CTNNA2: variants seen among roughly 807,000 people sequenced by gnomAD.
CTNNA2 encodes the protein catenin alpha-2.
Under a neutral mutation model 101.0 loss-of-function variants are expected in CTNNA2, and 42 were observed. The ratio of observed to expected loss-of-function variants is 0.42; its 90% CI spans 0.32 to 0.54. The LOEUF (loss-of-function observed/expected upper bound fraction) is 0.54. Ranked by LOEUF, CTNNA2 falls within the 20% of genes least tolerant of loss-of-function variation. The pLI, the probability that CTNNA2 is intolerant of heterozygous loss-of-function variation, is 0.14. For synonymous variants in CTNNA2, 450 were observed against 456.4 expected, an observed-to-expected ratio of 0.99 and a Z score of 0.18; for missense variants, 871 against 1,223.1, an observed-to-expected ratio of 0.71 and a Z score of 4.29.
intron 7 of CTNNA2, among the ~76,000 whole-genome samples, chr2:80,125,682 G>T (rs918553152): frequency 6.6e-6 from 1 of 152,150 alleles, no homozygotes; most frequent in East Asian, 1.9e-4. Flanking sequence ...ATTGGAGTTG[G>T]CATGTGAGAT....
At chr2:80,045,888 C>A (rs894023678) in intron 7 of CTNNA2, among the ~76,000 whole-genome samples, 15 of 151,966 alleles carry the variant, frequency 9.9e-5, no homozygotes, top group African/African-American at 3.4e-4. Flanking sequence ...GTTTAATCAA[C>A]CTCGACAGTC....
At chr2:80,325,087 G>A (rs1404472981) in intron 7 of CTNNA2, among the ~76,000 whole-genome samples, 1 of 152,122 alleles carries the variant, frequency 6.6e-6, no homozygotes, top group Non-Finnish European at 1.5e-5. Flanking sequence ...CCACCTAGAA[G>A]AATGCAAGGC....
chr2:79,491,071 G>C (rs1014105957), intron 4 of CTNNA2, among the ~76,000 whole-genome samples: 3 of 152,096 alleles, frequency 2.0e-5, no homozygotes, highest in Admixed American at 6.6e-5. Flanking sequence ...TAGAGGAAGA[G>C]GAAAAAAATT....
At chr2:79,988,460 ATGTGTATGTGTG>A (rs1453519900) in intron 7 of CTNNA2, among the ~76,000 whole-genome samples, 2 of 89,276 alleles carry the variant, frequency 2.2e-5, no homozygotes, top group Non-Finnish European at 4.8e-5. Flanking sequence ...TATGAAGTGT[ATGTGTATGTGTG>A]TGTGTGTGTG....
chr2:79,527,452 A>T (rs1227422093), intron 1 of CTNNA2, among the ~76,000 whole-genome samples: 1 of 144,678 alleles, frequency 6.9e-6, no homozygotes, highest in Non-Finnish European at 1.5e-5. Context: ...CAACATGGTG[A>T]GACCCTTCTC....
At chr2:79,537,487 A>G (rs569635542) in intron 1 of CTNNA2, among the ~76,000 whole-genome samples, 2 of 152,170 alleles carry the variant, frequency 1.3e-5, no homozygotes, top group East Asian at 3.9e-4. Context: ...TTTTCCAGTT[A>G]TGGTGAGAGG....
chr2:79,411,541 G>C (rs1393842546), intron 4 of CTNNA2, among the ~76,000 whole-genome samples: 8 of 152,054 alleles, frequency 5.3e-5, no homozygotes, highest in Admixed American at 5.3e-4. Context: ...ACTAACAACA[G>C]ATCTCTCAGC....
chr2:80,097,714 G>GT (rs1422161168), intron 7 of CTNNA2, among the ~76,000 whole-genome samples: 2 of 151,944 alleles, frequency 1.3e-5, no homozygotes, highest in Non-Finnish European at 2.9e-5. Context: ...TCTTTTTATT[G>GT]TTTTTTCTCT....
chr2:79,956,316 CCTTTT>C (rs1689218593), intron 7 of CTNNA2, among the ~76,000 whole-genome samples: 1 of 151,986 alleles, frequency 6.6e-6, no homozygotes, highest in African/African-American at 2.4e-5. Context: ...AAAATACTTT[CCTTTT>C]AACAGAATAC....
intron 8 of CTNNA2, 44 bp downstream of exon 8, chr2:80,393,335 T>A: frequency 7.2e-7 from 1 of 1,386,352 alleles, no homozygotes; most frequent in Non-Finnish European, 1.0e-6. Context: ...TATTCAGTAG[T>A]GGTTTCCAAC....
intron 17 of CTNNA2, among the ~76,000 whole-genome samples, chr2:80,610,974 G>A (rs1456377421): frequency 6.6e-6 from 1 of 150,656 alleles, no homozygotes; most frequent in Non-Finnish European, 1.5e-5. Context: ...TGCTATCTAA[G>A]AAATACCATT....
intron 7 of CTNNA2, among the ~76,000 whole-genome samples, chr2:80,215,906 C>A (rs1708236873): frequency 6.6e-6 from 1 of 152,204 alleles, no homozygotes; most frequent in African/African-American, 2.4e-5. Context: ...GCAGTGGGCT[C>A]CACCCAATTC....
intron 7 of CTNNA2, among the ~76,000 whole-genome samples, chr2:80,231,608 G>A (rs887900236): frequency 6.6e-6 from 1 of 152,152 alleles, no homozygotes; most frequent in African/African-American, 2.4e-5. Context: ...TCCTCTTGGA[G>A]GTTAGACACA....
chr2:79,691,414 A>G (rs1234066866), intron 2 of CTNNA2, among the ~76,000 whole-genome samples: 3 of 151,988 alleles, frequency 2.0e-5, no homozygotes, highest in Admixed American at 1.3e-4. Flanking sequence ...AATGAATAGT[A>G]AGATATATAT....
chr2:80,318,792 G>A (rs1458931931), intron 7 of CTNNA2, among the ~76,000 whole-genome samples: 2 of 152,108 alleles, frequency 1.3e-5, no homozygotes, highest in African/African-American at 2.4e-5. Flanking sequence ...TCAACAGAGT[G>A]TTAGGTTAGG....
chr2:80,403,800 T>G (rs1678802478), intron 8 of CTNNA2, among the ~76,000 whole-genome samples: 1 of 152,212 alleles, frequency 6.6e-6, no homozygotes. Flanking sequence ...CCTAGTTTAT[T>G]GAGAGTTTTT....
chr2:79,857,493 G>C (rs902837104), intron 3 of CTNNA2, among the ~76,000 whole-genome samples: 1 of 152,154 alleles, frequency 6.6e-6, no homozygotes, highest in Non-Finnish European at 1.5e-5. Context: ...TTGGCAAATT[G>C]GTTACTAAGA....
chr2:80,363,456 G>T (rs1411600397), intron 7 of CTNNA2, among the ~76,000 whole-genome samples: 1 of 152,116 alleles, frequency 6.6e-6, no homozygotes, highest in African/African-American at 2.4e-5. Flanking sequence ...AATAAAGCCG[G>T]GCTCAGTAAA....
chr2:80,387,739 A>T (rs2149358919), intron 7 of CTNNA2, among the ~76,000 whole-genome samples: 1 of 152,280 alleles, frequency 6.6e-6, no homozygotes, highest in African/African-American at 2.4e-5. Context: ...TCCTATTAAA[A>T]ATCCAAGTCA....
Sources: allele counts gnomAD v4.1 joint callset (sites outside exome capture counted in the v4.1 genomes callset), GRCh38; gene constraint gnomAD v4.1.1; transcripts MANE v1.5; gene names NCBI Gene and HGNC (gene_info 2026-07-23, HGNC 2026-07-21).